Variants in CSMD2 observed in about 807,000 individuals in gnomAD.
CSMD2 encodes the protein CUB and sushi domain-containing protein 2.
A neutral mutation model predicts 398.5 loss-of-function variants in CSMD2; 130 were observed. The ratio of observed to expected loss-of-function variants is 0.33; its 90% CI spans 0.28 to 0.38. CSMD2 has a LOEUF of 0.38. CSMD2 is among the 10% of genes least tolerant of loss of function. CSMD2 has a pLI of 1.00. For synonymous variants in CSMD2, 1,828 were observed against 1,908.5 expected (o/e 0.96, Z 1.10); for missense variants, 3,829 against 4,764.9 (o/e 0.80, Z 5.78).
intron 24 of CSMD2, among the ~76,000 whole-genome samples, chr1:33,695,098 C>CG (rs1557743680): frequency 6.6e-6 from 1 of 151,984 alleles, no homozygotes; most frequent in Non-Finnish European, 1.5e-5. Flanking sequence ...TTGACCAGGT[C>CG]GGTTGGGTGG....
chr1:33,794,281 T>C (rs1474733596), intron 10 of CSMD2, among the ~76,000 whole-genome samples: 2 of 152,282 alleles, frequency 1.3e-5, no homozygotes, highest in Non-Finnish European at 1.5e-5. Flanking sequence ...GAAAGATGCA[T>C]CTCTGGATAA....
chr1:34,110,453 C>T (rs780529656), intron 1 of CSMD2, among the ~76,000 whole-genome samples: 1 of 151,674 alleles, frequency 6.6e-6, no homozygotes. Context: ...AAATGTCCAT[C>T]GATAGTAGGC....
rs115596717 is a variant in CSMD2, at chr1:34,150,303, T to C, written c.187+14608A>G. 1.7e-4 allele frequency among the ~76,000 whole-genome samples: 26 copies of C among 152,246 alleles called. No individual in the cohort carries two copies. In the Middle Eastern group the frequency reaches 0.01, roughly 60 times the overall value. On this transcript the variant is annotated intron_variant, in intron 1 of 70. Transcript: ENST00000373381. ...TATTACTATGCTGCCCAGGTTGGTCTTGAACTACTGGCCTCAAGCAAGTCT... is the reference window on the plus strand; with the variant it reads ...TATTACTATGCTGCCCAGGTTGGTCCTGAACTACTGGCCTCAAGCAAGTCT...
In CSMD2 at chr1:34,089,051, G is replaced by C; in HGVS notation, c.330C>G (p.Ser110=). 1 of 1,614,200 alleles carries C rather than the reference G, an allele frequency of 6.2e-7. No homozygotes were observed. The change falls in exon 2 of 71, where the codon TCC becomes TCG. Residue 110 remains serine (S), a synonymous_variant. Transcript: ENST00000373381. ...CATCAAAGTCCTCTTCCAGGGCAAA[G>C]GACTGGAACACAAGCTGGATTCTGT... ...EQHRIQLVFQ[S]FALEEDFDVL...
At chr1:33,706,544 C>T (rs547946113) in intron 22 of CSMD2, among the ~76,000 whole-genome samples, 20 of 152,316 alleles carry the variant, frequency 1.3e-4, no homozygotes, top group South Asian at 1.0e-3. Flanking sequence ...CTCTGTTCTT[C>T]GTTGCCTACA....
At chr1:34,057,155 C>T (rs1168371610) in intron 2 of CSMD2, among the ~76,000 whole-genome samples, 2 of 152,256 alleles carry the variant, frequency 1.3e-5, no homozygotes, top group South Asian at 2.1e-4. Flanking sequence ...TGACTGTGCC[C>T]TGTGGCTGCT....
chr1:33,559,052 G>T lies in CSMD2; in HGVS notation c.8554+248C>A, dbSNP rs975114823. ...TGATACATTATTTGTTCAATGAAAGGTAAAAAAGACGACTTGAAAGATAAA... is the reference window on the plus strand; with the variant it reads ...TGATACATTATTTGTTCAATGAAAGTTAAAAAAGACGACTTGAAAGATAAA... On this transcript the variant is annotated intron_variant, in intron 54 of 70. Transcript: ENST00000373381. This position sits in a 1 kb window ranked among gnomAD's most constrained non-coding sequence, Gnocchi z 4.0. Among the ~76,000 whole-genome samples the T allele has an allele frequency of 1.3e-5, 2 of 152,144 alleles. No homozygotes were observed. Among genetic ancestry groups the T allele is most frequent in the Non-Finnish European group, 2.9e-5 (2 of 68,024 alleles).
chr1:34,013,050 T>C (rs1047676576), intron 3 of CSMD2, among the ~76,000 whole-genome samples: 3 of 152,212 alleles, frequency 2.0e-5, no homozygotes, highest in African/African-American at 7.2e-5. Flanking sequence ...GATTGATTAA[T>C]TGTTCTCTAG....
intron 37 of CSMD2, among the ~76,000 whole-genome samples, chr1:33,618,027 C>CAGAGACAGAGAGACAG (rs1481144439): frequency 1.3e-5 from 2 of 150,494 alleles, no homozygotes; most frequent in African/African-American, 2.4e-5. Flanking sequence ...GACAGAGAGA[C>CAGAGACAGAGAGACAG]AGAGAGAGAG....
chr1:33,835,523 G>T (rs1660113513), intron 6 of CSMD2, among the ~76,000 whole-genome samples: 1 of 73,074 alleles, frequency 1.4e-5, no homozygotes. Context: ...TAGGGGGGAG[G>T]GATGGCATTG....
chr1:33,545,418 T>G (rs868270365), intron 57 of CSMD2, among the ~76,000 whole-genome samples: 1 of 152,230 alleles, frequency 6.6e-6, no homozygotes, highest in African/African-American at 2.4e-5. Flanking sequence ...TTTTGGCACA[T>G]TGAATATTTG....
chr1:33,918,268 T>C lies in CSMD2; in HGVS notation c.746A>G (p.Gln249Arg). The stretch of plus-strand genomic sequence containing the variant: ...GTGGGGGCTGGAGATGATGCCACTC[T>C]GGCCCCGCAGGGTCCCACCACAGGC... Reference protein sequence around the residue: ...DDACGGTLRGQSGIISSPHFP... With the variant: ...DDACGGTLRGRSGIISSPHFP... The change falls in exon 5 of 71, where the codon CAG (glutamine) becomes CGG (arginine). Residue 249 changes from glutamine to arginine, a missense_variant. Physicochemically the swap from Gln to Arg is conservative, Grantham distance 43. Transcript: ENST00000373381. 3 of 1,614,058 alleles carry C rather than the reference T, an allele frequency of 1.9e-6. No homozygotes were observed. In the African/African-American group the frequency reaches 4.0e-5, roughly 22 times the overall value.
chr1:33,577,489 A>G lies in CSMD2; in HGVS notation c.7388-5T>C. 6.2e-7 allele frequency: 1 copy of G among 1,603,464 alleles called. No homozygotes were observed. Among genetic ancestry groups the G allele is most frequent in the South Asian group, 1.1e-5 (1 of 90,172 alleles). On this transcript the variant is annotated splice_polypyrimidine_tract_variant and splice_region_variant and intron_variant, in intron 48 of 70. Transcript: ENST00000373381. ...TGGGCAGGCTGCAGTAAGGGGCTGA[A>G]CAACAAGATGAGGTTCAGGGAACTG...
At chr1:33,942,872 C>T (rs1425883940) in intron 3 of CSMD2, among the ~76,000 whole-genome samples, 1 of 152,184 alleles carries the variant, frequency 6.6e-6, no homozygotes, top group Non-Finnish European at 1.5e-5. Flanking sequence ...GTTTCCTGTC[C>T]TCCATAAACC....
chr1:33,836,471 C>T (rs191043588), intron 6 of CSMD2, among the ~76,000 whole-genome samples: 4 of 152,358 alleles, frequency 2.6e-5, no homozygotes, highest in South Asian at 4.1e-4. Context: ...GTGGAATCTA[C>T]AGAGGCAGAC....
intron 3 of CSMD2, among the ~76,000 whole-genome samples, chr1:33,967,294 A>G (rs993496511): frequency 1.3e-5 from 2 of 151,944 alleles, no homozygotes; most frequent in African/African-American, 2.4e-5. Context: ...GGTAGTCTAT[A>G]AAGATATTTG....
chr1:33,803,183 C>G (rs1466478236), intron 10 of CSMD2, among the ~76,000 whole-genome samples: 2 of 152,208 alleles, frequency 1.3e-5, no homozygotes, highest in African/African-American at 4.8e-5. Flanking sequence ...ATTGCTCCTT[C>G]TCTGTTCTTT....
chr1:33,602,288 A>G (rs1640276567), intron 43 of CSMD2, 81 bp downstream of exon 43: 14 of 1,487,168 alleles, frequency 9.4e-6, no homozygotes, highest in Non-Finnish European at 1.3e-5. Context: ...TTCTAAACCA[A>G]TAGGTAACTG....
rs374694784 is a variant in CSMD2, at chr1:33,653,739, G to A, written c.4448-1278C>T. 2.0e-5 allele frequency among the ~76,000 whole-genome samples: 3 copies of A among 152,126 alleles called. No homozygotes were observed. The East Asian group carries it at 5.8e-4, about 29-fold the overall frequency. On this transcript the variant is annotated intron_variant, in intron 27 of 70. Coordinates refer to ENST00000373381, the MANE Select transcript of CSMD2 (RefSeq NM_001281956.2). Reference sequence around the variant, plus strand: ...CTGGATAGAGTAAGAGCTGGGAAGCGTGTGGGGTCGTTAGCAGGATGGCCA... The same window carrying A: ...CTGGATAGAGTAAGAGCTGGGAAGCATGTGGGGTCGTTAGCAGGATGGCCA...
Sources: gnomAD v4.1 joint callset for allele counts (sites outside exome capture counted in the v4.1 genomes callset) on GRCh38, gnomAD v4.1.1 for gene constraint, Gnocchi (gnomAD v3.1) non-coding constraint, MANE v1.5 for transcripts, NCBI Gene and HGNC (gene_info 2026-07-23, HGNC 2026-07-21) for gene names.